The following COL5A2 variants were observed in gnomAD, a reference collection of about 807,000 sequenced individuals.
COL5A2 encodes the protein collagen type V alpha 2 chain.
In COL5A2, 23 loss-of-function variants were observed where a neutral mutation model predicts 208.2. That is an observed-to-expected ratio of 0.11 (90% CI 0.08 to 0.16). The LOEUF (loss-of-function observed/expected upper bound fraction) is 0.16, where lower values mean the gene tolerates loss of function less well. COL5A2 is among the 10% of genes least tolerant of loss of function. The probability of loss-of-function intolerance (pLI) is 1.00; values close to 1 mark genes in which losing one functional copy is unlikely to be tolerated. For synonymous variants in COL5A2, 625 were observed against 628.5 expected, an observed-to-expected ratio of 0.99 and a Z score of 0.08; for missense variants, 1,590 against 1,956.4, an observed-to-expected ratio of 0.81 and a Z score of 3.53.
In COL5A2 at chr2:189,088,754, C is replaced by G. The variant is rs142855115; in HGVS notation, c.586G>C (p.Ala196Pro). The change falls in exon 8 of 54, where the codon GCT (alanine) becomes CCT (proline). Residue 196 changes from alanine to proline, a missense_variant. Coordinates refer to ENST00000374866, the MANE Select transcript of COL5A2 (RefSeq NM_000393.5). ...GLSRPFSAQM[A>P]GLDEKSGLGS... ...AGTCCAGATTTTTCATCCAACCCAG[C>G]CATTTGAGCTGAAAACGGCTGTAAA... 3.1e-6 allele frequency: 5 copies of G among 1,613,856 alleles called. No homozygotes were observed. The highest frequency in any genetic ancestry group is 1.1e-5 in the South Asian group (1 of 91,080).
chr2:189,187,765 C>T (rs563995181), intron 1 of COL5A2, among the ~76,000 whole-genome samples: 34 of 152,028 alleles, frequency 2.2e-4, no homozygotes, highest in Admixed American at 1.8e-3. Context: ...GTCAGGAGAT[C>T]GAGACCATCC....
At chr2:189,115,812 T>C (rs1212243323) in intron 1 of COL5A2, among the ~76,000 whole-genome samples, 1 of 152,232 alleles carries the variant, frequency 6.6e-6, no homozygotes, top group African/African-American at 2.4e-5. Context: ...AGTAAGGAAC[T>C]AGTTCATTGA....
the COL5A2 span, among the ~76,000 whole-genome samples, chr2:189,369,894 T>C: frequency 6.6e-6 from 1 of 152,190 alleles, no homozygotes; most frequent in Admixed American, 6.5e-5. Context: ...TTCTTCCTCA[T>C]GTATTGATTA....
At position 189,072,234 on chromosome 2, in the gene COL5A2, C is replaced by T; in HGVS notation, c.1105-141G>A. 6.1e-6 allele frequency: 4 copies of T among 653,336 alleles called. No homozygotes were observed. The South Asian group carries it at 7.2e-5, about 12-fold the overall frequency. 40.5% of individuals were successfully genotyped at this position (653,336 alleles called of 1,614,324 possible). On this transcript the variant is annotated intron_variant, in intron 17 of 53. Coordinates refer to ENST00000374866, the MANE Select transcript of COL5A2 (RefSeq NM_000393.5). Reference sequence around the variant, plus strand: ...ACTTTAAAATTACAAAGATAATAGGCTAATTTCATTATAAGTACCTTCAAC... The same window carrying T: ...ACTTTAAAATTACAAAGATAATAGGTTAATTTCATTATAAGTACCTTCAAC...
chr2:189,182,733 C>T (rs1203148234), upstream of COL5A2, among the ~76,000 whole-genome samples: 1 of 152,142 alleles, frequency 6.6e-6, no homozygotes, highest in South Asian at 2.1e-4. Context: ...TAATGCCTTA[C>T]TTACCTAATC....
the COL5A2 span, among the ~76,000 whole-genome samples, chr2:189,325,647 T>C: frequency 6.6e-6 from 1 of 152,284 alleles, no homozygotes; most frequent in East Asian, 1.9e-4. Flanking sequence ...TATTTGAGAG[T>C]ATTTCTCTCA....
chr2:189,265,066 T>C, the COL5A2 span, among the ~76,000 whole-genome samples: 1 of 152,080 alleles, frequency 6.6e-6, no homozygotes, highest in Non-Finnish European at 1.5e-5. Flanking sequence ...CAAAAATCCC[T>C]GGGGGACCAA....
At chr2:189,306,716 A>G in the COL5A2 span, among the ~76,000 whole-genome samples, 1 of 152,212 alleles carries the variant, frequency 6.6e-6, no homozygotes, top group Non-Finnish European at 1.5e-5. Flanking sequence ...ATTACTTGAC[A>G]TTGCTTTTCA....
At chr2:189,266,395 C>CAGTCTGGA in the COL5A2 span, among the ~76,000 whole-genome samples, 3 of 150,582 alleles carry the variant, frequency 2.0e-5, no homozygotes, top group Admixed American at 2.0e-4. Context: ...TGCTGCACTC[C>CAGTCTGGA]AGTCTGGATG....
chr2:189,191,709 T>C (rs1008299952), intron 1 of COL5A2, among the ~76,000 whole-genome samples: 6 of 152,102 alleles, frequency 3.9e-5, no homozygotes, highest in African/African-American at 1.4e-4. Flanking sequence ...AATACTTTCA[T>C]CTTTTATTGG....
chr2:189,361,683 T>G, the COL5A2 span, among the ~76,000 whole-genome samples: 1 of 152,264 alleles, frequency 6.6e-6, no homozygotes, highest in Admixed American at 6.5e-5. Context: ...ATAGATTCTT[T>G]CTTTCTCTTT....
intron 1 of COL5A2, among the ~76,000 whole-genome samples, chr2:189,196,280 C>A (rs546604063): frequency 1.7e-4 from 26 of 151,418 alleles, no homozygotes; most frequent in Admixed American, 8.6e-4. Flanking sequence ...TCATGTAATT[C>A]TTTTTCCCTC....
chr2:189,139,117 A>G (rs1687882945), intron 1 of COL5A2, among the ~76,000 whole-genome samples: 1 of 152,086 alleles, frequency 6.6e-6, no homozygotes, highest in Admixed American at 6.6e-5. Context: ...AGGTGATCAA[A>G]TTTAACACCA....
At chr2:189,202,336 G>A (rs1296597389) in intron 1 of COL5A2, among the ~76,000 whole-genome samples, 1 of 152,046 alleles carries the variant, frequency 6.6e-6, no homozygotes, top group African/African-American at 2.4e-5. Context: ...TGAATAAACA[G>A]AATTATGCAG....
intron 1 of COL5A2, among the ~76,000 whole-genome samples, chr2:189,178,749 T>TA (rs1688728307): frequency 6.9e-6 from 1 of 144,730 alleles, no homozygotes; most frequent in Non-Finnish European, 1.5e-5. Flanking sequence ...TAAGGGGTAA[T>TA]GTCCATGCAA....
At chr2:189,403,310 G>A in the COL5A2 span, among the ~76,000 whole-genome samples, 1 of 152,328 alleles carries the variant, frequency 6.6e-6, no homozygotes, top group Non-Finnish European at 1.5e-5. Flanking sequence ...AAGCTTTTGG[G>A]TTGAGACGTG....
At chr2:189,363,504 A>C in the COL5A2 span, among the ~76,000 whole-genome samples, 1 of 152,084 alleles carries the variant, frequency 6.6e-6, no homozygotes, top group African/African-American at 2.4e-5. Flanking sequence ...TCCTAGGATA[A>C]ACCCTATTTG....
At chr2:189,411,947 C>G in the COL5A2 span, among the ~76,000 whole-genome samples, 1 of 152,080 alleles carries the variant, frequency 6.6e-6, no homozygotes, top group Non-Finnish European at 1.5e-5. Flanking sequence ...TCCAGAGGCC[C>G]TTTTCTATGG....
chr2:189,310,402 T>C, the COL5A2 span, among the ~76,000 whole-genome samples: 1 of 152,228 alleles, frequency 6.6e-6, no homozygotes, highest in Non-Finnish European at 1.5e-5. Flanking sequence ...AAATGGCTTA[T>C]ATCCAAAAGA....
Sources: allele counts gnomAD v4.1 joint callset (sites outside exome capture counted in the v4.1 genomes callset), GRCh38; gene constraint gnomAD v4.1.1; transcripts MANE v1.5; gene names NCBI Gene and HGNC (gene_info 2026-07-23, HGNC 2026-07-21).